Variants in SYPL1 observed in about 807,000 individuals in gnomAD.
SYPL1 encodes the protein synaptophysin like 1, also known as synaptophysin-like protein 1.
Under a neutral mutation model 23.7 loss-of-function variants are expected in SYPL1, and 6 were observed. The ratio of observed to expected loss-of-function variants is 0.25; its 90% confidence interval spans 0.14 to 0.50. The LOEUF is 0.50. Among genes scored for constraint, SYPL1 ranks in the 20% least tolerant of loss-of-function variants. SYPL1 has a pLI of 0.98. For synonymous variants in SYPL1, 102 were observed against 104.5 expected (o/e 0.98, Z 0.15); for missense variants, 253 against 288.9 (o/e 0.88, Z 0.90).
Position 106,112,129 on chromosome 7 carries a change from G to T in SYPL1, c.69+11C>A, listed in dbSNP as rs1289673468. ...CGGCAGGCGGGCCTGGCCGGCGCGG[G>T]CTGCACTCACCCACTCGAGGACCTT... On this transcript the variant is annotated intron_variant, in intron 1 of 4. Coordinates refer to ENST00000455385, the MANE Select transcript of SYPL1 (RefSeq NM_182715.4). 3 of 1,490,208 alleles carry T rather than the reference G, an allele frequency of 2.0e-6. No homozygotes were observed. The highest frequency in any genetic ancestry group is 2.9e-5 in the African/African-American group (2 of 69,358). 92.3% of individuals were successfully genotyped at this position (1,490,208 alleles called of 1,614,324 possible).
intron 1 of SYPL1, among the ~76,000 whole-genome samples, chr7:106,111,163 C>G (rs890221293): frequency 6.6e-6 from 1 of 152,220 alleles, no homozygotes; most frequent in Non-Finnish European, 1.5e-5. Flanking sequence ...ATCAGAGAAA[C>G]TGAGTTTCTA....
chr7:106,112,008 A>T (rs1790181949), intron 1 of SYPL1, 132 bp downstream of exon 1: 2 of 1,098,200 alleles, frequency 1.8e-6, no homozygotes, highest in East Asian at 8.8e-5. Context: ...CCTGCCGTCC[A>T]CTCCCAGTCC....
Position 106,095,633 on chromosome 7 carries a change from T to C in SYPL1, c.402+2057A>G, listed in dbSNP as rs1311013944. Reference sequence around the variant, plus strand: ...TCCCAAAGTGCTGGGATTACAGGCATGACCCACTGCACCCAGTCTCTCAAA... The same window carrying C: ...TCCCAAAGTGCTGGGATTACAGGCACGACCCACTGCACCCAGTCTCTCAAA... On this transcript the variant is annotated intron_variant, in intron 3 of 4. Coordinates refer to ENST00000455385, the MANE Select transcript of SYPL1 (RefSeq NM_182715.4). This position sits in a 1 kb window ranked among gnomAD's most constrained non-coding sequence, Gnocchi z 4.3. 6.6e-6 allele frequency among the ~76,000 whole-genome samples: 1 copy of C among 152,220 alleles called. No individual in the cohort carries two copies. Among genetic ancestry groups the C allele is most frequent in the African/African-American group, 2.4e-5 (1 of 41,462 alleles).
chr7:106,103,366 C>T (rs1186285724), intron 1 of SYPL1, among the ~76,000 whole-genome samples: 1 of 152,186 alleles, frequency 6.6e-6, no homozygotes, highest in African/African-American at 2.4e-5. Context: ...TACCTGCCTA[C>T]ATTACACCTG....
intron 1 of SYPL1, among the ~76,000 whole-genome samples, chr7:106,106,585 T>A (rs1223861594): frequency 6.7e-6 from 1 of 148,368 alleles, no homozygotes; most frequent in African/African-American, 2.5e-5. Context: ...CTGGGTGCAG[T>A]GGTTCATCTC....
At position 106,100,633 on chromosome 7, in the gene SYPL1, T is replaced by C. The variant is rs1208322354; in HGVS notation, c.70-1351A>G. Among the ~76,000 whole-genome samples, 1 of 152,186 alleles carries C rather than the reference T, an allele frequency of 6.6e-6. No homozygotes were observed. The highest frequency in any genetic ancestry group is 2.4e-5 in the African/African-American group (1 of 41,446). ...TGATGGCTCTATTTTCAAAATACAT[T>C]TGCAATCTGACCACTTGTACTGCCT... On this transcript the variant is annotated intron_variant, in intron 1 of 4. Coordinates refer to ENST00000455385, the MANE Select transcript of SYPL1 (RefSeq NM_182715.4). This position sits in a 1 kb window ranked among gnomAD's most constrained non-coding sequence, Gnocchi z 5.1.
chr7:106,102,078 G>A (rs923328762), intron 1 of SYPL1, among the ~76,000 whole-genome samples: 2 of 149,658 alleles, frequency 1.3e-5, no homozygotes, highest in Non-Finnish European at 3.0e-5. Flanking sequence ...CTGAGACTCA[G>A]TTATAAAAAG....
intron 1 of SYPL1, among the ~76,000 whole-genome samples, chr7:106,102,776 T>G (rs1840396247): frequency 6.6e-6 from 1 of 152,228 alleles, no homozygotes; most frequent in African/African-American, 2.4e-5. Context: ...AAGCTCGGCG[T>G]AATTTGTTAT....
intron 1 of SYPL1, among the ~76,000 whole-genome samples, chr7:106,111,660 G>C (rs1164115389): frequency 3.3e-5 from 5 of 152,336 alleles, no homozygotes; most frequent in Admixed American, 2.0e-4. Flanking sequence ...ATTAAGAACG[G>C]AATGCTCGCC....
intron 1 of SYPL1, among the ~76,000 whole-genome samples, chr7:106,108,878 C>G (rs1789998902): frequency 6.6e-6 from 1 of 152,186 alleles, no homozygotes; most frequent in South Asian, 2.1e-4. Context: ...AAACATTTTC[C>G]TAACGATACT....
rs1246615912 is a variant in SYPL1 at position 106,099,288 on chromosome 7, C to T, written c.70-6G>A. 1 of 1,596,824 alleles carries T rather than the reference C, an allele frequency of 6.3e-7. No homozygotes were observed. On this transcript the variant is annotated splice_polypyrimidine_tract_variant and splice_region_variant and intron_variant, in intron 1 of 4. Coordinates refer to ENST00000455385, the MANE Select transcript of SYPL1 (RefSeq NM_182715.4). ...AAAGCAAAGATAGAAGCAATCTACA[C>T]AAAGTAAGATGAAAAAAGACAAAAG...
In SYPL1 at chr7:106,093,284, G is replaced by GCATAGTA. The variant is rs1839852560; in HGVS notation, c.403-154_403-148dup. On this transcript the variant is annotated intron_variant, in intron 3 of 4. Transcript: ENST00000455385. ...TATACTTTATTAAAAAAGTCAGTCA[G>GCATAGTA]CATAGTAAACATTGCTGTTAGTGTT... 5.6e-6 allele frequency: 4 copies of GCATAGTA among 712,390 alleles called. No homozygotes were observed. In the South Asian group the frequency reaches 1.0e-4, roughly 18 times the overall value. 44.1% of individuals were successfully genotyped at this position (712,390 alleles called of 1,614,324 possible).
At chr7:106,098,831 A>G (rs1840162495) in intron 2 of SYPL1, among the ~76,000 whole-genome samples, 1 of 152,242 alleles carries the variant, frequency 6.6e-6, no homozygotes, top group South Asian at 2.1e-4. Flanking sequence ...AGGGCTTCTT[A>G]TACTAAGGTG....
intron 1 of SYPL1, among the ~76,000 whole-genome samples, chr7:106,107,971 G>A (rs988638641): frequency 5.9e-5 from 9 of 151,936 alleles, no homozygotes; most frequent in African/African-American, 1.9e-4. Flanking sequence ...GAGGCGGGTG[G>A]ATCACTTGAG....
upstream of SYPL1, chr7:106,112,546 C>T: frequency 6.6e-7 from 1 of 1,504,104 alleles, no homozygotes; most frequent in South Asian, 1.3e-5. Context: ...TGCGCCGCGC[C>T]CCCTTCCCTG....
intron 1 of SYPL1, among the ~76,000 whole-genome samples, chr7:106,106,188 G>T (rs1270332691): frequency 6.6e-6 from 1 of 152,150 alleles, no homozygotes; most frequent in African/African-American, 2.4e-5. Context: ...AGTAAAACAT[G>T]CATCTTAAGT....
At chr7:106,094,453 G>C (rs1839913090) in intron 3 of SYPL1, among the ~76,000 whole-genome samples, 1 of 152,128 alleles carries the variant, frequency 6.6e-6, no homozygotes, top group Admixed American at 6.5e-5. Flanking sequence ...CATGAACACG[G>C]AAGTACATGC....
intron 3 of SYPL1, among the ~76,000 whole-genome samples, chr7:106,094,271 T>C (rs1180081542): frequency 6.6e-6 from 1 of 152,224 alleles, no homozygotes; most frequent in Non-Finnish European, 1.5e-5. Flanking sequence ...TGGTTTTTGC[T>C]ATTTATTTTA....
chr7:106,109,757 C>T lies in SYPL1; in HGVS notation c.69+2383G>A, dbSNP rs896584511. On this transcript the variant is annotated intron_variant, in intron 1 of 4. Coordinates refer to ENST00000455385, the MANE Select transcript of SYPL1 (RefSeq NM_182715.4). This position sits in a 1 kb window ranked among gnomAD's most constrained non-coding sequence, Gnocchi z 4.3. ...AGACAGCAGTCATCTTAGGGTCCTCCCTCTTTGTTACCTTCCATATATATT... is the reference window on the plus strand; with the variant it reads ...AGACAGCAGTCATCTTAGGGTCCTCTCTCTTTGTTACCTTCCATATATATT... Among the ~76,000 whole-genome samples, 4 of 152,158 alleles carry T rather than the reference C, an allele frequency of 2.6e-5. No homozygotes were observed. The highest frequency in any genetic ancestry group is 5.9e-5 in the Non-Finnish European group (4 of 68,048).
Sources: gnomAD v4.1 joint callset for allele counts (sites outside exome capture counted in the v4.1 genomes callset) on GRCh38, gnomAD v4.1.1 for gene constraint, Gnocchi (gnomAD v3.1) non-coding constraint, MANE v1.5 for transcripts, NCBI Gene and HGNC (gene_info 2026-07-23, HGNC 2026-07-21) for gene names.